The following SLC25A21 variants were observed in gnomAD, a reference collection of about 807,000 sequenced individuals.
SLC25A21 encodes mitochondrial 2-oxodicarboxylate carrier.
A neutral mutation model predicts 43.8 loss-of-function variants in SLC25A21; 47 were observed. The ratio of observed to expected loss-of-function variants is 1.07; its 90% CI spans 0.85 to 1.37. The LOEUF (loss-of-function observed/expected upper bound fraction) is 1.37, where lower values mean the gene tolerates loss of function less well. Ranked by LOEUF, SLC25A21 falls within the 40% of genes most tolerant of loss-of-function variation. SLC25A21 has a pLI of 0.00. For synonymous variants in SLC25A21, 131 were observed against 121.3 expected (o/e 1.08, Z -0.52); for missense variants, 352 against 350.2 (o/e 1.00, Z -0.04).
At chr14:36,779,472 T>TAC (rs1295224439) in intron 3 of SLC25A21, among the ~76,000 whole-genome samples, 39 of 141,264 alleles carry the variant, frequency 2.8e-4, no homozygotes, top group African/African-American at 3.8e-4. Context: ...TATATATATA[T>TAC]ACACATATAT....
In SLC25A21 at chr14:36,726,152, C is replaced by T. The variant is rs1018036743; in HGVS notation, c.331-475G>A. On this transcript the variant is annotated intron_variant, in intron 5 of 9. Transcript: ENST00000331299. ...TTTCAGGTAACAACATAGCTGGAAA[C>T]ATTTAACTCTATGTTCATGTTTTTA... 3.9e-5 allele frequency among the ~76,000 whole-genome samples: 6 copies of T among 152,208 alleles called. 1 individual carries two copies. The South Asian group carries it at 6.2e-4, about 16-fold the overall frequency.
intron 2 of SLC25A21, among the ~76,000 whole-genome samples, chr14:36,853,591 C>T (rs1018473129): frequency 5.9e-5 from 9 of 152,170 alleles, no homozygotes; most frequent in South Asian, 2.1e-4. Flanking sequence ...TCTCTCACAC[C>T]CAAGAGGCCC....
At chr14:36,832,641 A>C (rs751091597) in intron 2 of SLC25A21, among the ~76,000 whole-genome samples, 1 of 152,162 alleles carries the variant, frequency 6.6e-6, no homozygotes, top group East Asian at 1.9e-4. Context: ...AACAAACAAC[A>C]TTATAAACAA....
intron 1 of SLC25A21, among the ~76,000 whole-genome samples, chr14:36,878,185 G>C (rs138392786): frequency 6.6e-6 from 1 of 152,206 alleles, no homozygotes; most frequent in African/African-American, 2.4e-5. Flanking sequence ...GGTGTCCCAT[G>C]CACCTCTAGA....
chr14:37,149,916 T>C (rs1322328199), intron 1 of SLC25A21, among the ~76,000 whole-genome samples: 3 of 152,122 alleles, frequency 2.0e-5, no homozygotes, highest in African/African-American at 7.2e-5. Flanking sequence ...TAAAGTTTGA[T>C]TACAGAAGCA....
intron 1 of SLC25A21, among the ~76,000 whole-genome samples, chr14:36,897,708 T>G (rs2138592764): frequency 6.6e-6 from 1 of 152,202 alleles, no homozygotes; most frequent in South Asian, 2.1e-4. Context: ...ACAGATGGGG[T>G]TTTGGTGTGG....
intron 1 of SLC25A21, among the ~76,000 whole-genome samples, chr14:37,143,613 T>TGTGTGC (rs1963608165): frequency 6.6e-6 from 1 of 151,952 alleles, no homozygotes. Context: ...TGTGTGTGTG[T>TGTGTGC]GTGTGTCTGT....
chr14:36,903,016 G>C (rs1280548797), intron 1 of SLC25A21, among the ~76,000 whole-genome samples: 1 of 152,116 alleles, frequency 6.6e-6, no homozygotes, highest in East Asian at 1.9e-4. Context: ...GACTCACTGA[G>C]CTTCAGTTTT....
rs531811377 is a variant in SLC25A21 at position 36,807,610 on chromosome 14, G to T, written c.203+6308C>A. ...ACAGGGACAGGTCTTTCTATTTTCA[G>T]ACAGCCTATTTTCATGGCTTTAAAA... On this transcript the variant is annotated intron_variant, in intron 3 of 9. Coordinates refer to ENST00000331299, the MANE Select transcript of SLC25A21 (RefSeq NM_030631.4). Among the ~76,000 whole-genome samples, 11 of 152,226 alleles carry T rather than the reference G, an allele frequency of 7.2e-5. No homozygotes were observed. In the South Asian group the frequency reaches 2.3e-3, roughly 32 times the overall value.
chr14:36,702,696 C>T (rs765532960), intron 7 of SLC25A21, among the ~76,000 whole-genome samples: 3 of 151,974 alleles, frequency 2.0e-5, no homozygotes, highest in Admixed American at 6.6e-5. Flanking sequence ...AGACTGTAAA[C>T]GTCATTAAGA....
intron 1 of SLC25A21, among the ~76,000 whole-genome samples, chr14:37,169,331 C>T (rs1964082663): frequency 2.6e-5 from 4 of 152,120 alleles, no homozygotes; most frequent in Admixed American, 2.0e-4. Context: ...ATACTTGTGG[C>T]CCTATTATTA....
chr14:36,948,112 A>G (rs1892718270), intron 1 of SLC25A21, among the ~76,000 whole-genome samples: 1 of 152,090 alleles, frequency 6.6e-6, no homozygotes, highest in Admixed American at 6.6e-5. Context: ...CTAGTTCTTA[A>G]GAATGCAATT....
chr14:36,978,306 G>T (rs1187633981), intron 1 of SLC25A21, among the ~76,000 whole-genome samples: 1 of 152,130 alleles, frequency 6.6e-6, no homozygotes, highest in African/African-American at 2.4e-5. Flanking sequence ...ACACAAATTT[G>T]TTGGTTTCCC....
intron 1 of SLC25A21, among the ~76,000 whole-genome samples, chr14:37,070,342 T>C (rs1240649328): frequency 2.0e-5 from 3 of 152,208 alleles, no homozygotes; most frequent in African/African-American, 7.2e-5. Context: ...CTATTTATAT[T>C]TTCAATCTGC....
chr14:37,107,615 T>C (rs1056633297), intron 1 of SLC25A21, among the ~76,000 whole-genome samples: 6 of 152,186 alleles, frequency 3.9e-5, no homozygotes, highest in Non-Finnish European at 7.3e-5. Flanking sequence ...TCCAAGCATT[T>C]TACTCATTCA....
At chr14:36,914,745 T>C (rs1003822021) in intron 1 of SLC25A21, among the ~76,000 whole-genome samples, 3 of 152,210 alleles carry the variant, frequency 2.0e-5, no homozygotes, top group Non-Finnish European at 2.9e-5. Context: ...AAAGTAGTTA[T>C]GTTGCAGGCA....
intron 1 of SLC25A21, among the ~76,000 whole-genome samples, chr14:36,992,170 T>C (rs1421419421): frequency 6.6e-6 from 1 of 152,174 alleles, no homozygotes; most frequent in Non-Finnish European, 1.5e-5. Context: ...TATCTGTGGG[T>C]GGACCCGTGC....
chr14:36,924,959 G>A (rs1892090204), intron 1 of SLC25A21, among the ~76,000 whole-genome samples: 1 of 152,100 alleles, frequency 6.6e-6, no homozygotes, highest in Non-Finnish European at 1.5e-5. Flanking sequence ...CACAGTTACT[G>A]AGGGACAATT....
Position 36,750,411 on chromosome 14 carries a change from C to T in SLC25A21, c.204-15838G>A, listed in dbSNP as rs1885662655. 2.6e-5 allele frequency among the ~76,000 whole-genome samples: 4 copies of T among 152,298 alleles called. No homozygotes were observed. The South Asian group carries it at 8.3e-4, about 32-fold the overall frequency. On this transcript the variant is annotated intron_variant, in intron 3 of 9. Coordinates refer to ENST00000331299, the MANE Select transcript of SLC25A21 (RefSeq NM_030631.4). The stretch of plus-strand genomic sequence containing the variant: ...CCACGTCATCCCTTCTCCATGGAGG[C>T]AGAACCTAATCCTAATGTTCACACC...
Sources: allele counts gnomAD v4.1 joint callset (sites outside exome capture counted in the v4.1 genomes callset), GRCh38; gene constraint gnomAD v4.1.1; transcripts MANE v1.5; gene names NCBI Gene and HGNC (gene_info 2026-07-23, HGNC 2026-07-21).